Variants in LRRFIP1 observed in about 807,000 individuals in gnomAD.
LRRFIP1 encodes the protein LRR binding FLII interacting protein 1.
LRRFIP1 carries 62 observed loss-of-function variants against 104.4 expected under a neutral mutation model. That is an observed-to-expected ratio of 0.59 (90% CI 0.48 to 0.73). LRRFIP1 has a LOEUF of 0.73. LRRFIP1 is among the 30% of genes least tolerant of loss of function. The pLI is 0.00. For synonymous variants in LRRFIP1, 300 were observed against 299.0 expected (o/e 1.00, Z -0.03); for missense variants, 796 against 824.5 (o/e 0.97, Z 0.42).
At chr2:237,710,087 A>G (rs1486198051) in intron 2 of LRRFIP1, among the ~76,000 whole-genome samples, 1 of 151,962 alleles carries the variant, frequency 6.6e-6, no homozygotes, top group Non-Finnish European at 1.5e-5. Flanking sequence ...TCCTGATCTC[A>G]AGTGATCCTC....
chr2:237,777,325 G>A (rs1202915811), intron 23 of LRRFIP1, among the ~76,000 whole-genome samples: 1 of 152,058 alleles, frequency 6.6e-6, no homozygotes, highest in East Asian at 1.9e-4. Flanking sequence ...TCCTGCTAGT[G>A]TCTCAGACTG....
rs191212411 is a variant in LRRFIP1 at position 237,753,748 on chromosome 2, C to T, written c.1038+269C>T. Among the ~76,000 whole-genome samples the T allele has an allele frequency of 2.3e-3, 330 of 144,048 alleles. 3 individuals are homozygous for T. Among genetic ancestry groups the T allele is most frequent in the African/African-American group, 7.8e-3 (299 of 38,150 alleles). 94.5% of individuals were successfully genotyped at this position (144,048 alleles called of 152,430 possible). A position where few individuals can be genotyped will look rare whatever the true frequency, so the allele number is the denominator to read the frequency against. The stretch of plus-strand genomic sequence containing the variant: ...TTGAGGCTGCAGTGAGCTGTGTTGA[C>T]ACCACTGCACTCCAGCTTGGGCAAC... On this transcript the variant is annotated intron_variant, in intron 15 of 23. Transcript: ENST00000308482.
chr2:237,725,518 A>G (rs900442518), intron 7 of LRRFIP1, among the ~76,000 whole-genome samples: 13 of 152,200 alleles, frequency 8.5e-5, no homozygotes, highest in Non-Finnish European at 1.8e-4. Context: ...ACAACACAAA[A>G]AAACACCATC....
intron 2 of LRRFIP1, 88 bp downstream of exon 2, chr2:237,708,718 C>CA (rs2093935134): frequency 7.2e-7 from 1 of 1,381,826 alleles, no homozygotes; most frequent in African/African-American, 1.4e-5. Context: ...TTGCTGCAGA[C>CA]GCACCTGGCT....
At chr2:237,749,103 A>G (rs3769064) in intron 12 of LRRFIP1, 96 bp from the exon 13 acceptor site, 103,525 of 1,348,236 alleles carry the variant, frequency 0.077, 4,781 homozygotes, top group East Asian at 0.19. Context: ...GCCGTCCCTC[A>G]TCTTGTGGGG....
intron 19 of LRRFIP1, chr2:237,768,577 G>A (rs2060382039): frequency 1.3e-5 from 2 of 152,108 alleles, no homozygotes; most frequent in Admixed American, 6.6e-5. Flanking sequence ...TTCAATGTTG[G>A]GTGGGTTATG....
intron 1 of LRRFIP1, among the ~76,000 whole-genome samples, chr2:237,682,521 G>T (rs969072124): frequency 2.0e-5 from 3 of 152,230 alleles, no homozygotes; most frequent in Admixed American, 2.0e-4. Flanking sequence ...GTGCAGGGTT[G>T]TTTTCTCTCC....
At chr2:237,763,216 A>G (rs766045695) in intron 19 of LRRFIP1, 7 of 1,614,202 alleles carry the variant, frequency 4.3e-6, no homozygotes, top group South Asian at 2.2e-5. Flanking sequence ...ACAACGAAGA[A>G]GAGGGTGAAG....
intron 19 of LRRFIP1, chr2:237,765,036 T>G (rs1178347231): frequency 2.3e-6 from 2 of 888,200 alleles, no homozygotes; most frequent in African/African-American, 1.8e-5. Flanking sequence ...CCAAGGCAGG[T>G]GGATCACCTG....
intron 6 of LRRFIP1, among the ~76,000 whole-genome samples, chr2:237,722,441 C>T (rs888263736): frequency 3.9e-5 from 6 of 152,234 alleles, no homozygotes; most frequent in Non-Finnish European, 7.4e-5. Flanking sequence ...ACGAGTATTA[C>T]GGTGTTATGT....
At chr2:237,670,140 G>A (rs1021293534) in intron 1 of LRRFIP1, among the ~76,000 whole-genome samples, 11 of 152,244 alleles carry the variant, frequency 7.2e-5, no homozygotes, top group Non-Finnish European at 1.2e-4. Flanking sequence ...AGAGGAAAAC[G>A]TCTGAAATGT....
chr2:237,655,272 A>G (rs1012871673), intron 1 of LRRFIP1, among the ~76,000 whole-genome samples: 3 of 149,262 alleles, frequency 2.0e-5, no homozygotes, highest in Non-Finnish European at 4.4e-5. Flanking sequence ...CACCATGCCC[A>G]GCTAATTTTT....
intron 1 of LRRFIP1, among the ~76,000 whole-genome samples, chr2:237,642,577 G>A (rs1240470604): frequency 6.6e-6 from 1 of 152,056 alleles, no homozygotes; most frequent in Non-Finnish European, 1.5e-5. Context: ...CTAGGTTAAG[G>A]GTTCCCAGTT....
At chr2:237,763,321 T>C in intron 19 of LRRFIP1, 1 of 1,613,882 alleles carries the variant, frequency 6.2e-7, no homozygotes, top group Non-Finnish European at 8.5e-7. Context: ...CAGGTCCAAG[T>C]ACAGTAGACA....
chr2:237,650,664 A>G (rs985997097), intron 1 of LRRFIP1, among the ~76,000 whole-genome samples: 2 of 152,232 alleles, frequency 1.3e-5, no homozygotes, highest in African/African-American at 4.8e-5. Context: ...TGGCACAGTG[A>G]CCGCAGGAGA....
intron 1 of LRRFIP1, among the ~76,000 whole-genome samples, chr2:237,687,093 G>A (rs548930189): frequency 2.0e-4 from 30 of 152,354 alleles, no homozygotes; most frequent in African/African-American, 4.8e-4. Context: ...GCGGCGTGCC[G>A]CTGGTGCATT....
At chr2:237,764,767 A>C in intron 19 of LRRFIP1, 1 of 986,220 alleles carries the variant, frequency 1.0e-6, no homozygotes, top group South Asian at 4.7e-5. Context: ...CCTTTACCTC[A>C]TATGAGTCTT....
rs545802115 is a variant in LRRFIP1 at position 237,711,770 on chromosome 2, CGAGTG to C, written c.184-2488_184-2484del. 5.1e-4 allele frequency among the ~76,000 whole-genome samples: 77 copies of C among 152,112 alleles called. No homozygotes were observed. The highest frequency in any genetic ancestry group is 1.8e-3 in the African/African-American group (76 of 41,492). On this transcript the variant is annotated intron_variant, in intron 2 of 23. Coordinates refer to ENST00000308482, the MANE Select transcript of LRRFIP1 (RefSeq NM_001137550.2). This position sits in a 1 kb window ranked among gnomAD's most constrained non-coding sequence, Gnocchi z 4.4. ...TGGCCAAGATGGTGAGTGAGGACAC[CGAGTG>C]AAGCAGCTCTACCGGGGGGTGGGGA...
chr2:237,753,512 T>C (rs1037400890), intron 15 of LRRFIP1, 33 bp downstream of exon 15: 1 of 1,517,018 alleles, frequency 6.6e-7, no homozygotes, highest in Non-Finnish European at 8.8e-7. Context: ...ATGTTAACAA[T>C]AGGCTGCGTG....
Sources: gnomAD v4.1 joint callset for allele counts (sites outside exome capture counted in the v4.1 genomes callset) on GRCh38, gnomAD v4.1.1 for gene constraint, Gnocchi (gnomAD v3.1) non-coding constraint, MANE v1.5 for transcripts, NCBI Gene and HGNC (gene_info 2026-07-23, HGNC 2026-07-21) for gene names.